The following PCDH9 variants were observed in gnomAD, a reference collection of about 807,000 sequenced individuals.
The protein encoded by PCDH9 is protocadherin-9.
In PCDH9, 24 loss-of-function variants were observed where a neutral mutation model predicts 70.6. The observed-to-expected ratio is 0.34, with a 90% CI of 0.25 to 0.48. PCDH9 has a LOEUF of 0.48. PCDH9 is among the 20% of genes least tolerant of loss of function. PCDH9 has a pLI of 0.99. For missense variants in PCDH9, 1,281 were observed against 1,503.6 expected (o/e 0.85, Z 2.45); for synonymous variants, 562 against 558.5 (o/e 1.01, Z -0.09).
At chr13:66,441,570 G>A (rs1957974527) in intron 4 of PCDH9, among the ~76,000 whole-genome samples, 1 of 152,064 alleles carries the variant, frequency 6.6e-6, no homozygotes, top group Non-Finnish European at 1.5e-5. Context: ...TGCATAGAGT[G>A]TTTTAGCTAC....
intron 2 of PCDH9, among the ~76,000 whole-genome samples, chr13:67,039,369 G>C (rs995604049): frequency 4.1e-4 from 63 of 152,148 alleles, no homozygotes; most frequent in African/African-American, 1.5e-3. Flanking sequence ...AATCCAATCA[G>C]ATCAAGTCCT....
intron 3 of PCDH9, among the ~76,000 whole-genome samples, chr13:66,869,912 G>A (rs936721244): frequency 6.6e-6 from 1 of 152,140 alleles, no homozygotes; most frequent in African/African-American, 2.4e-5. Context: ...TGAGTCCACA[G>A]AGAGCAATCA....
At chr13:67,039,296 C>T (rs909046359) in intron 2 of PCDH9, among the ~76,000 whole-genome samples, 6 of 152,140 alleles carry the variant, frequency 3.9e-5, no homozygotes, top group Non-Finnish European at 5.9e-5. Context: ...CAGGCAGAAC[C>T]TAAGTACCGG....
chr13:66,344,225 C>G lies in PCDH9; in HGVS notation c.3341-39197G>C, dbSNP rs143824558. On this transcript the variant is annotated intron_variant, in intron 4 of 4. Coordinates refer to ENST00000377865, the MANE Select transcript of PCDH9 (RefSeq NM_203487.3). ...TGGCACAATCTCAGCTCACTGCAAC[C>G]TCCGCCTCCCAGGTTCAAGTGATTC... 5.9e-3 allele frequency among the ~76,000 whole-genome samples: 905 copies of G among 152,224 alleles called. 23 individuals carry two copies. The East Asian group carries it at 0.074, about 12-fold the overall frequency.
intron 3 of PCDH9, among the ~76,000 whole-genome samples, chr13:66,843,097 G>T (rs535453199): frequency 6.6e-6 from 1 of 152,320 alleles, no homozygotes; most frequent in Non-Finnish European, 1.5e-5. Flanking sequence ...ACCCAGGTTT[G>T]AGATGCCAGC....
intron 3 of PCDH9, among the ~76,000 whole-genome samples, chr13:66,637,422 C>T (rs181319005): frequency 5.7e-4 from 87 of 152,200 alleles, no homozygotes; most frequent in Non-Finnish European, 1.1e-3. Context: ...ATAGTTTTGA[C>T]AGATAAAATT....
intron 3 of PCDH9, among the ~76,000 whole-genome samples, chr13:66,888,025 T>G (rs1271465521): frequency 1.3e-5 from 2 of 152,224 alleles, no homozygotes; most frequent in Non-Finnish European, 2.9e-5. Flanking sequence ...CTATGATATA[T>G]CAAATTACTG....
At chr13:66,626,058 A>G (rs1212565338) in intron 4 of PCDH9, among the ~76,000 whole-genome samples, 1 of 152,152 alleles carries the variant, frequency 6.6e-6, no homozygotes, top group East Asian at 1.9e-4. Flanking sequence ...TACAGCTATC[A>G]TGAGATTTTT....
At chr13:66,788,350 G>A (rs1043296245) in intron 3 of PCDH9, among the ~76,000 whole-genome samples, 1 of 152,116 alleles carries the variant, frequency 6.6e-6, no homozygotes, top group African/African-American at 2.4e-5. Flanking sequence ...TTCAACACAT[G>A]AATTTCAAAG....
At chr13:67,216,952 G>C (rs2089621153) in intron 2 of PCDH9, 1 of 151,670 alleles carries the variant, frequency 6.6e-6, no homozygotes, top group Non-Finnish European at 1.5e-5. Flanking sequence ...ATATGACACA[G>C]GAGGGCATCA....
At chr13:67,173,427 T>C (rs1216057821) in intron 2 of PCDH9, among the ~76,000 whole-genome samples, 1 of 152,104 alleles carries the variant, frequency 6.6e-6, no homozygotes, top group Non-Finnish European at 1.5e-5. Context: ...ACAAATTATA[T>C]ATATATTTTC....
intron 2 of PCDH9, among the ~76,000 whole-genome samples, chr13:66,986,150 A>T (rs1397407012): frequency 6.6e-6 from 1 of 152,030 alleles, no homozygotes; most frequent in Non-Finnish European, 1.5e-5. Flanking sequence ...TTCACATGGC[A>T]GCAGGAAGGA....
At chr13:67,118,043 A>G (rs763535896) in intron 2 of PCDH9, among the ~76,000 whole-genome samples, 4 of 152,188 alleles carry the variant, frequency 2.6e-5, no homozygotes, top group Non-Finnish European at 4.4e-5. Context: ...GTCTGAACTC[A>G]GTAAAATTTA....
At chr13:66,668,629 T>C (rs887112208) in intron 3 of PCDH9, among the ~76,000 whole-genome samples, 1 of 152,176 alleles carries the variant, frequency 6.6e-6, no homozygotes, top group Non-Finnish European at 1.5e-5. Context: ...TGGTGAAATA[T>C]AGATGGTAAT....
intron 4 of PCDH9, among the ~76,000 whole-genome samples, chr13:66,366,955 T>C (rs1362059923): frequency 6.6e-6 from 1 of 152,098 alleles, no homozygotes; most frequent in Non-Finnish European, 1.5e-5. Context: ...CCAGCAATTT[T>C]CAGCATCTGT....
intron 2 of PCDH9, among the ~76,000 whole-genome samples, chr13:67,084,754 G>C (rs527852345): frequency 7.9e-5 from 12 of 151,398 alleles, no homozygotes; most frequent in Non-Finnish European, 1.3e-4. Flanking sequence ...GGATCACGAG[G>C]TCAAGAGATC....
chr13:67,170,599 A>G (rs1172894983), intron 2 of PCDH9, among the ~76,000 whole-genome samples: 1 of 152,180 alleles, frequency 6.6e-6, no homozygotes, highest in Non-Finnish European at 1.5e-5. Flanking sequence ...AACAATGGGA[A>G]TTGCATATTT....
chr13:66,543,941 C>T (rs536835569), intron 4 of PCDH9, among the ~76,000 whole-genome samples: 78 of 152,232 alleles, frequency 5.1e-4, no homozygotes, highest in Admixed American at 8.5e-4. Flanking sequence ...TGGTGCTCAC[C>T]TCTAGAGGGC....
chr13:66,768,927 G>A (rs779757937), intron 3 of PCDH9, among the ~76,000 whole-genome samples: 13 of 151,910 alleles, frequency 8.6e-5, no homozygotes, highest in Non-Finnish European at 1.5e-4. Context: ...AGAAAAGCCC[G>A]TTAACTCTAT....
Sources: allele counts gnomAD v4.1 joint callset (sites outside exome capture counted in the v4.1 genomes callset), GRCh38; gene constraint gnomAD v4.1.1; transcripts MANE v1.5; gene names NCBI Gene and HGNC (gene_info 2026-07-23, HGNC 2026-07-21).